The following SIPA1L1 variants were observed in gnomAD, a reference collection of about 807,000 sequenced individuals.
The protein encoded by SIPA1L1 is signal-induced proliferation-associated 1-like protein 1.
SIPA1L1 carries 26 observed loss-of-function variants against 162.7 expected under a neutral mutation model. The ratio of observed to expected loss-of-function variants is 0.16; its 90% confidence interval spans 0.12 to 0.22. The LOEUF is 0.22. SIPA1L1 is among the 10% of genes least tolerant of loss of function. SIPA1L1 has a pLI of 1.00. For synonymous variants in SIPA1L1, 829 were observed against 837.4 expected, an observed-to-expected ratio of 0.99 and a Z score of 0.17; for missense variants, 1,874 against 2,241.0, an observed-to-expected ratio of 0.84 and a Z score of 3.31.
intron 6 of SIPA1L1, among the ~76,000 whole-genome samples, chr14:71,621,707 G>A (rs1306792262): frequency 5.9e-5 from 9 of 152,078 alleles, no homozygotes; most frequent in Non-Finnish European, 1.0e-4. Context: ...GGAGGGTGGG[G>A]GCTTCTGTCC....
At chr14:71,344,981 T>C (rs1175566926) in intron 2 of SIPA1L1, among the ~76,000 whole-genome samples, 1 of 152,222 alleles carries the variant, frequency 6.6e-6, no homozygotes, top group East Asian at 1.9e-4. Context: ...ATAAATGTCA[T>C]CTGCACTGCA....
chr14:71,627,422 C>T (rs1053838165), intron 7 of SIPA1L1, among the ~76,000 whole-genome samples: 1 of 152,040 alleles, frequency 6.6e-6, no homozygotes, highest in African/African-American at 2.4e-5. Flanking sequence ...GCTGGAATTA[C>T]AGATGTGAGC....
intron 2 of SIPA1L1, among the ~76,000 whole-genome samples, chr14:71,441,485 C>A (rs995097750): frequency 2.6e-5 from 4 of 152,170 alleles, no homozygotes; most frequent in African/African-American, 9.7e-5. Flanking sequence ...CATCATACTG[C>A]TATTTGGAAA....
intron 7 of SIPA1L1, among the ~76,000 whole-genome samples, chr14:71,628,945 A>AT (rs572928395): frequency 4.0e-5 from 6 of 150,194 alleles, no homozygotes; most frequent in South Asian, 2.1e-4. Context: ...AAAGTAGATG[A>AT]TTTTTTTTTT....
intron 2 of SIPA1L1, among the ~76,000 whole-genome samples, chr14:71,427,278 T>A (rs906753338): frequency 6.6e-6 from 1 of 152,194 alleles, no homozygotes; most frequent in African/African-American, 2.4e-5. Context: ...GCACCCACTT[T>A]TGAAGGACAG....
chr14:71,435,781 C>T (rs1040117785), intron 2 of SIPA1L1, among the ~76,000 whole-genome samples: 2 of 152,232 alleles, frequency 1.3e-5, no homozygotes, highest in Non-Finnish European at 2.9e-5. Context: ...AACTAGTTTA[C>T]AGTCCCACCA....
At chr14:71,324,015 G>A (rs1386332029) in intron 2 of SIPA1L1, among the ~76,000 whole-genome samples, 1 of 152,136 alleles carries the variant, frequency 6.6e-6, no homozygotes, top group African/African-American at 2.4e-5. Context: ...TCAAATACCT[G>A]CCCTGCCATT....
At chr14:71,612,127 T>G (rs2038293174) in intron 5 of SIPA1L1, among the ~76,000 whole-genome samples, 1 of 152,252 alleles carries the variant, frequency 6.6e-6, no homozygotes. Context: ...ATCCCCATTA[T>G]ACATTGACTT....
chr14:71,663,822 C>T (rs1398376945), intron 10 of SIPA1L1, among the ~76,000 whole-genome samples: 1 of 152,178 alleles, frequency 6.6e-6, no homozygotes, highest in Admixed American at 6.5e-5. Flanking sequence ...TCTGGAATTT[C>T]CTAGTTACCA....
At chr14:71,627,434 A>G (rs1313616380) in intron 7 of SIPA1L1, among the ~76,000 whole-genome samples, 1 of 152,050 alleles carries the variant, frequency 6.6e-6, no homozygotes, top group African/African-American at 2.4e-5. Context: ...GATGTGAGCC[A>G]CCACGCCCGC....
At chr14:71,633,150 A>C (rs1032850465) in intron 7 of SIPA1L1, among the ~76,000 whole-genome samples, 4 of 145,124 alleles carry the variant, frequency 2.8e-5, no homozygotes, top group Non-Finnish European at 5.9e-5. Flanking sequence ...ATGTTATGTT[A>C]TGTTATGTTC....
At chr14:71,353,006 G>A (rs1207081471) in intron 2 of SIPA1L1, among the ~76,000 whole-genome samples, 2 of 152,142 alleles carry the variant, frequency 1.3e-5, no homozygotes, top group Non-Finnish European at 2.9e-5. Context: ...TTTTCATTGT[G>A]TTGTGGTTAA....
chr14:71,581,318 A>T (rs149637927), intron 4 of SIPA1L1, among the ~76,000 whole-genome samples: 44 of 152,342 alleles, frequency 2.9e-4, no homozygotes, highest in Non-Finnish European at 5.7e-4. Flanking sequence ...GGCGTGAGCC[A>T]CTGTGGCTGC....
chr14:71,493,221 T>C (rs1330731551), intron 2 of SIPA1L1, among the ~76,000 whole-genome samples: 1 of 152,032 alleles, frequency 6.6e-6, no homozygotes, highest in Non-Finnish European at 1.5e-5. Flanking sequence ...GCCTCCTGAG[T>C]AGCTAGGACT....
At chr14:71,693,329 T>C (rs897149793) in intron 13 of SIPA1L1, among the ~76,000 whole-genome samples, 2 of 152,170 alleles carry the variant, frequency 1.3e-5, no homozygotes, top group Non-Finnish European at 1.5e-5. Context: ...GGCGAAAGCC[T>C]GTCTACTAAA....
At chr14:71,345,848 G>A (rs144132335) in intron 2 of SIPA1L1, among the ~76,000 whole-genome samples, 73 of 151,984 alleles carry the variant, frequency 4.8e-4, no homozygotes, top group African/African-American at 1.7e-3. Context: ...GATTACAGGC[G>A]TGAGCCACTG....
intron 2 of SIPA1L1, among the ~76,000 whole-genome samples, chr14:71,425,790 G>A (rs1356852289): frequency 6.6e-6 from 1 of 152,028 alleles, no homozygotes; most frequent in Non-Finnish European, 1.5e-5. Flanking sequence ...TATTGAGAAT[G>A]GGGTATTGAT....
intron 2 of SIPA1L1, chr14:71,330,698 G>T: frequency 3.4e-6 from 3 of 876,964 alleles, no homozygotes; most frequent in South Asian, 2.6e-5. Context: ...CATCCTGGAG[G>T]ATTCTCATAG....
At chr14:71,720,569 A>AG (rs1228802648) in intron 17 of SIPA1L1, among the ~76,000 whole-genome samples, 2 of 152,056 alleles carry the variant, frequency 1.3e-5, no homozygotes, top group African/African-American at 4.8e-5. Context: ...TAAAAAAAAA[A>AG]GAAAAACAAA....
Sources: allele counts gnomAD v4.1 joint callset (sites outside exome capture counted in the v4.1 genomes callset), GRCh38; gene constraint gnomAD v4.1.1; transcripts MANE v1.5; gene names NCBI Gene and HGNC (gene_info 2026-07-23, HGNC 2026-07-21).